Variants in B3GALT5 observed in about 807,000 individuals in gnomAD.
The protein encoded by B3GALT5 is UDP-Gal:betaGlcNAc beta 1,3-galactosyltransferase, polypeptide 5.
For synonymous variants in B3GALT5, 156 were observed against 158.6 expected, an observed-to-expected ratio of 0.98 and a Z score of 0.12; for missense variants, 328 against 396.6, an observed-to-expected ratio of 0.83 and a Z score of 1.47.
At position 39,670,909 on chromosome 21, in the gene B3GALT5, CTTAG is replaced by C. The variant is rs774896294; in HGVS notation, c.*9420_*9423del. On this transcript the variant is annotated 3_prime_UTR_variant, in exon 4 of 4. Transcript: ENST00000684187. Reference sequence around the variant, plus strand: ...CTCCATGTCCTCCATTTGGAAGTGTCTTAGTTTGTTTTGTGTTGCTGTAACAGAA... The same window carrying C: ...CTCCATGTCCTCCATTTGGAAGTGTCTTTGTTTTGTGTTGCTGTAACAGAA... 6.6e-6 allele frequency: 1 copy of C among 152,176 alleles called. No homozygotes were observed. 9.4% of individuals were successfully genotyped at this position (152,176 alleles called of 1,614,324 possible). A position where few individuals can be genotyped will look rare whatever the true frequency, so the allele number is the denominator to read the frequency against.
At chr21:39,636,833 G>A (rs1465885325) in intron 1 of B3GALT5, among the ~76,000 whole-genome samples, 2 of 152,190 alleles carry the variant, frequency 1.3e-5, no homozygotes, top group African/African-American at 4.8e-5. Context: ...TGTTGCCAGA[G>A]TCTGCTGGGG....
chr21:39,619,830 C>T (rs527597884), intron 1 of B3GALT5, among the ~76,000 whole-genome samples: 1 of 152,070 alleles, frequency 6.6e-6, no homozygotes, highest in South Asian at 2.1e-4. Context: ...TTTTTTTAGG[C>T]AGAGTCTTGC....
chr21:39,657,834 C>T, intron 2 of B3GALT5: 1 of 1,231,490 alleles, frequency 8.1e-7, no homozygotes, highest in Non-Finnish European at 1.0e-6. Context: ...GAGAAACTGC[C>T]ATTCCGTTAT....
chr21:39,645,500 C>A (rs1371773934), intron 1 of B3GALT5, among the ~76,000 whole-genome samples: 1 of 152,190 alleles, frequency 6.6e-6, no homozygotes, highest in Non-Finnish European at 1.5e-5. Context: ...TTCCTCACAT[C>A]TGGAAAATAA....
rs760445195 is a variant in B3GALT5, at chr21:39,663,366, A to G, written c.*1874A>G. 2 of 152,290 alleles carry G rather than the reference A, an allele frequency of 1.3e-5. No homozygotes were observed. Among genetic ancestry groups the G allele is most frequent in the Non-Finnish European group, 2.9e-5 (2 of 68,078 alleles). The allele number at this position is 152,290 out of a possible 1,614,324, so 9.4% of individuals were successfully genotyped here. A position where few individuals can be genotyped will look rare whatever the true frequency, so the allele number is the denominator to read the frequency against. ...GCTCACAGCCCACAGCTCCAGGGAC[A>G]AATGAGGACAGGCGTGGGCTCTCCC... is the stretch of plus-strand genomic sequence containing the variant. On this transcript the variant is annotated 3_prime_UTR_variant, in exon 4 of 4. Coordinates refer to ENST00000684187, the MANE Select transcript of B3GALT5 (RefSeq NM_001356336.2).
chr21:39,645,028 GC>G, intron 1 of B3GALT5, among the ~76,000 whole-genome samples: 1 of 152,256 alleles, frequency 6.6e-6, no homozygotes, highest in South Asian at 2.1e-4. Context: ...AAGAGCATGA[GC>G]CCCAGGGAAT....
intron 2 of B3GALT5, chr21:39,657,764 C>A: frequency 1.1e-6 from 1 of 888,420 alleles, no homozygotes; most frequent in Non-Finnish European, 1.5e-6. Flanking sequence ...TATCCATAAC[C>A]TGTTGATTCG....
chr21:39,621,908 T>C (rs554522695), intron 1 of B3GALT5, among the ~76,000 whole-genome samples: 18 of 152,246 alleles, frequency 1.2e-4, no homozygotes, highest in South Asian at 6.2e-4. Context: ...ATCAATGACT[T>C]GATAGTTATA....
At chr21:39,656,255 G>A (rs2079443182) in intron 2 of B3GALT5, among the ~76,000 whole-genome samples, 2 of 152,192 alleles carry the variant, frequency 1.3e-5, no homozygotes, top group Non-Finnish European at 2.9e-5. Flanking sequence ...ATGCTGTTCT[G>A]TTCTCCCAAG....
rs917158120 is a variant in B3GALT5, at chr21:39,664,305, C to G, written c.*2813C>G. On this transcript the variant is annotated 3_prime_UTR_variant, in exon 4 of 4. Transcript: ENST00000684187. ...AGACTCCCCCAACCATACACGCCTA[C>G]ACCCAGCCCCCAAACCTCCGTACTC... The G allele has an allele frequency of 6.6e-6, 1 of 152,316 alleles. No homozygotes were observed. The highest frequency in any genetic ancestry group is 2.4e-5 in the African/African-American group (1 of 41,382). The allele number at this position is 152,316 out of a possible 1,614,324, so 9.4% of individuals were successfully genotyped here.
At chr21:39,615,631 C>G (rs889432150) in intron 1 of B3GALT5, among the ~76,000 whole-genome samples, 1 of 152,184 alleles carries the variant, frequency 6.6e-6, no homozygotes, top group Non-Finnish European at 1.5e-5. Flanking sequence ...GGTTGCAAAT[C>G]CCAGCTTTGA....
chr21:39,636,931 T>C (rs2079232294), intron 1 of B3GALT5, among the ~76,000 whole-genome samples: 1 of 152,124 alleles, frequency 6.6e-6, no homozygotes, highest in Admixed American at 6.5e-5. Context: ...CGGCACCATG[T>C]TTTTACACTG....
intron 2 of B3GALT5, among the ~76,000 whole-genome samples, chr21:39,654,558 C>T (rs1486919772): frequency 2.0e-5 from 3 of 152,196 alleles, no homozygotes; most frequent in Non-Finnish European, 4.4e-5. Flanking sequence ...TCGAGAGGAT[C>T]GATTCCAATT....
intron 1 of B3GALT5, among the ~76,000 whole-genome samples, chr21:39,634,707 C>T (rs992112977): frequency 2.0e-5 from 3 of 152,086 alleles, no homozygotes; most frequent in African/African-American, 4.8e-5. Flanking sequence ...CCTGGCCAAG[C>T]ATATTGGTTC....
intron 1 of B3GALT5, among the ~76,000 whole-genome samples, chr21:39,623,278 C>CCTT (rs1293015582): frequency 8.5e-5 from 11 of 130,018 alleles, no homozygotes; most frequent in African/African-American, 2.6e-4. Flanking sequence ...TTCCTTCCTT[C>CCTT]CTTCCTTCCT....
At chr21:39,620,305 C>T (rs554075485) in intron 1 of B3GALT5, among the ~76,000 whole-genome samples, 5 of 152,286 alleles carry the variant, frequency 3.3e-5, no homozygotes, top group Middle Eastern at 6.8e-3. Flanking sequence ...CAGAAGAGTT[C>T]AGGGTAGTTA....
At chr21:39,639,603 C>G (rs1353624202) in intron 1 of B3GALT5, among the ~76,000 whole-genome samples, 1 of 151,516 alleles carries the variant, frequency 6.6e-6, no homozygotes, top group East Asian at 1.9e-4. Flanking sequence ...CCTCAGCCTC[C>G]TGAGTAGCTG....
chr21:39,640,498 A>G lies in B3GALT5; in HGVS notation c.-391-5894A>G, dbSNP rs16998041. Among the ~76,000 whole-genome samples the G allele has an allele frequency of 4.8e-3, 734 of 152,316 alleles. 6 individuals are homozygous for G. The highest frequency in any genetic ancestry group is 0.017 in the African/African-American group (705 of 41,578). Reference sequence around the variant, plus strand: ...CTTTTCAGGATCTATGTGTCTCAACATAGGAAAACACCTTAAGAGTACCTG... The same window carrying G: ...CTTTTCAGGATCTATGTGTCTCAACGTAGGAAAACACCTTAAGAGTACCTG... On this transcript the variant is annotated intron_variant, in intron 1 of 3. Transcript: ENST00000684187.
intron 2 of B3GALT5, among the ~76,000 whole-genome samples, chr21:39,651,820 C>T (rs906851833): frequency 2.6e-5 from 4 of 151,986 alleles, no homozygotes; most frequent in Non-Finnish European, 5.9e-5. Flanking sequence ...TTAAATGAGG[C>T]GATGAGGAAG....
Sources: gnomAD v4.1 joint callset for allele counts (sites outside exome capture counted in the v4.1 genomes callset) on GRCh38, gnomAD v4.1.1 for gene constraint, MANE v1.5 for transcripts, NCBI Gene and HGNC (gene_info 2026-07-23, HGNC 2026-07-21) for gene names.